The following GCFC2 variants were observed in gnomAD, a reference collection of about 807,000 sequenced individuals.
GCFC2 encodes GC-rich sequence DNA-binding factor 2.
In GCFC2, 102 loss-of-function variants were observed where a neutral mutation model predicts 99.4. That is an observed-to-expected ratio of 1.03 (90% CI 0.87 to 1.21). The LOEUF (loss-of-function observed/expected upper bound fraction) is 1.21. Ranked by LOEUF, GCFC2 falls within the 50% of genes most tolerant of loss-of-function variation. The pLI, the probability that GCFC2 is intolerant of heterozygous loss-of-function variation, is 0.00. For missense variants in GCFC2, 973 were observed against 920.9 expected (o/e 1.06, Z -0.73); for synonymous variants, 338 against 316.8 (o/e 1.07, Z -0.71).
intron 6 of GCFC2, among the ~76,000 whole-genome samples, chr2:75,693,149 A>C (rs921903032): frequency 6.6e-6 from 1 of 152,194 alleles, no homozygotes; most frequent in African/African-American, 2.4e-5. Context: ...TAAACAAAAA[A>C]TAATGTGGGC....
chr2:75,673,406 C>G (rs773288737), intron 13 of GCFC2, 38 bp downstream of exon 13: 1 of 835,720 alleles, frequency 1.2e-6, no homozygotes, highest in Admixed American at 1.8e-5. Flanking sequence ...ATTCTATGAT[C>G]AGCTATTTCC....
chr2:75,706,558 G>C lies in GCFC2; in HGVS notation c.359C>G (p.Ser120Cys), dbSNP rs1267397886. The change falls in exon 2 of 17, where the codon TCT becomes TGT. Residue 120 changes from serine to cysteine, a missense_variant. Coordinates refer to ENST00000321027, the MANE Select transcript of GCFC2 (RefSeq NM_003203.5). ...AAGTTCTTTTTCTCCAAGAGAGCTAGAACTGTCAGAAGACAAACCCTGATC... is the reference window on the plus strand; with the variant it reads ...AAGTTCTTTTTCTCCAAGAGAGCTACAACTGTCAGAAGACAAACCCTGATC... ...KDDQGLSSDS[S>C]SSLGEKELSS... is the part of the protein sequence containing the mutation. 30 of 1,604,658 alleles carry C rather than the reference G, an allele frequency of 1.9e-5. No individual in the cohort carries two copies. Among genetic ancestry groups the C allele is most frequent in the Non-Finnish European group, 2.6e-5 (30 of 1,171,822 alleles).
rs528200118 is a variant in GCFC2, at chr2:75,690,184, A to G, written c.1227-103T>C. 1.3e-5 allele frequency: 9 copies of G among 685,100 alleles called. No individual in the cohort carries two copies. In the Admixed American group the frequency reaches 1.8e-4, roughly 14 times the overall value. The allele number at this position is 685,100 out of a possible 1,614,324, so 42.4% of individuals were successfully genotyped here. On this transcript the variant is annotated intron_variant, in intron 8 of 16. Coordinates refer to ENST00000321027, the MANE Select transcript of GCFC2 (RefSeq NM_003203.5). ...CCTCTTGCTGAAAATAAGTAATTTT[A>G]TCATTTATTTTAAATGGCCAGAAAT...
intron 11 of GCFC2, 115 bp from the exon 12 acceptor site, chr2:75,680,429 C>A: frequency 1.4e-6 from 1 of 737,098 alleles, no homozygotes; most frequent in Non-Finnish European, 2.2e-6. Flanking sequence ...AGTTTAAGTT[C>A]CATGGCCAAT....
rs572228384 is a variant in GCFC2 at position 75,686,651 on chromosome 2, G to A, written c.1690+1176C>T. 5.9e-5 allele frequency among the ~76,000 whole-genome samples: 9 copies of A among 152,278 alleles called. No individual in the cohort carries two copies. The South Asian group carries it at 1.7e-3, about 28-fold the overall frequency. ...CCTAGCTAATTGGGAGGCTGAGGCA[G>A]TAGGATCACTTGACCCCAGGAATTC... On this transcript the variant is annotated intron_variant, in intron 11 of 16. Coordinates refer to ENST00000321027, the MANE Select transcript of GCFC2 (RefSeq NM_003203.5).
At chr2:75,673,324 AG>A in intron 13 of GCFC2, 119 bp downstream of exon 13, 1 of 648,534 alleles carries the variant, frequency 1.5e-6, no homozygotes, top group Non-Finnish European at 2.8e-6. Flanking sequence ...AAAAAAAAAA[AG>A]AAACACAAAA....
chr2:75,678,949 C>T (rs1413585519), intron 12 of GCFC2, among the ~76,000 whole-genome samples: 2 of 152,184 alleles, frequency 1.3e-5, no homozygotes, highest in East Asian at 3.9e-4. Context: ...CCTGCCTCAG[C>T]CTCCCAAAGC....
At chr2:75,673,422 T>A in intron 13 of GCFC2, 22 bp downstream of exon 13, 1 of 1,010,288 alleles carries the variant, frequency 9.9e-7, no homozygotes, top group South Asian at 1.3e-5. Flanking sequence ...TTTCCAACAA[T>A]CTAGAAATTA....
intron 14 of GCFC2, 177 bp from the exon 15 acceptor site, chr2:75,670,461 G>A: frequency 2.1e-6 from 1 of 470,328 alleles, no homozygotes; most frequent in Non-Finnish European, 3.8e-6. Context: ...CAAACTCCAT[G>A]TATTTGCTCA....
chr2:75,702,643 T>A (rs918442319), intron 2 of GCFC2, among the ~76,000 whole-genome samples: 1 of 152,122 alleles, frequency 6.6e-6, no homozygotes, highest in African/African-American at 2.4e-5. Context: ...TCTAGAAGTA[T>A]CAGAAAATAT....
intron 4 of GCFC2, chr2:75,697,831 G>C (rs1680400404): frequency 6.5e-6 from 1 of 152,724 alleles, no homozygotes. Context: ...GCAACAAAGA[G>C]AGATGTGGCC....
chr2:75,690,817 T>C lies in GCFC2; in HGVS notation c.1145-98A>G, dbSNP rs1680034298. On this transcript the variant is annotated intron_variant, in intron 7 of 16. Coordinates refer to ENST00000321027, the MANE Select transcript of GCFC2 (RefSeq NM_003203.5). ...GTAATATCATGGATGTATAAACATA[T>C]GCATATGTAAATACATAAATATGCT... is the stretch of plus-strand genomic sequence containing the variant. 6.0e-6 allele frequency: 4 copies of C among 664,048 alleles called. No individual in the cohort carries two copies. In the South Asian group the frequency reaches 7.2e-5, roughly 12 times the overall value. The allele number at this position is 664,048 out of a possible 1,614,324, so 41.1% of individuals were successfully genotyped here.
rs1678823447 is a variant in GCFC2 at position 75,666,036 on chromosome 2, T to C, written c.2121A>G (p.Pro707=). The C allele has an allele frequency of 6.2e-7, 1 of 1,606,224 alleles. No individual in the cohort carries two copies. Among genetic ancestry groups the C allele is most frequent in the African/African-American group, 1.3e-5 (1 of 74,636 alleles). The change falls in exon 16 of 17, where the codon CCA becomes CCG. Residue 707 remains proline, a synonymous_variant. Transcript: ENST00000321027. ...TGGCAGAATTTTCAAACCATTTTTC[T>C]GGTAGACATGCTGCTACCTGTTAAT... ...KKCNQVAACL[P]EKWFENSAMR... is the part of the protein sequence containing the mutation.
chr2:75,692,621 T>C (rs1680136553), intron 6 of GCFC2, among the ~76,000 whole-genome samples: 1 of 149,948 alleles, frequency 6.7e-6, no homozygotes, highest in African/African-American at 2.5e-5. Flanking sequence ...CACTCCAGCC[T>C]GGGCAACAGA....
At position 75,710,585 on chromosome 2, in the gene GCFC2, G is replaced by T; in HGVS notation, c.265+6C>A. ...CCTCCCCGCTTCCCCGCGTCTCCCT[G>T]GACACCTGAGCCTTCGTCCGCGCGG... On this transcript the variant is annotated splice_donor_region_variant and intron_variant, in intron 1 of 16. Coordinates refer to ENST00000321027, the MANE Select transcript of GCFC2 (RefSeq NM_003203.5). 1 of 1,507,918 alleles carries T rather than the reference G, an allele frequency of 6.6e-7. No homozygotes were observed. Among genetic ancestry groups the T allele is most frequent in the Admixed American group, 2.1e-5 (1 of 48,660 alleles). The allele number at this position is 1,507,918 out of a possible 1,614,324, so 93.4% of individuals were successfully genotyped here.
rs1214426735 is a variant in GCFC2, at chr2:75,663,822, T to C, written c.*844A>G. The C allele has an allele frequency of 6.6e-6, 1 of 151,950 alleles. No homozygotes were observed. Among genetic ancestry groups the C allele is most frequent in the African/African-American group, 2.4e-5 (1 of 41,290 alleles). 9.4% of individuals were successfully genotyped at this position (151,950 alleles called of 1,614,324 possible). ...TTGCAGTGAGCCGAGATTGTGCCACTACTCTCCAGCCTGGGTGACAGAGCC... is the reference window on the plus strand; with the variant it reads ...TTGCAGTGAGCCGAGATTGTGCCACCACTCTCCAGCCTGGGTGACAGAGCC... On this transcript the variant is annotated 3_prime_UTR_variant, in exon 17 of 17. Coordinates refer to ENST00000321027, the MANE Select transcript of GCFC2 (RefSeq NM_003203.5).
intron 1 of GCFC2, among the ~76,000 whole-genome samples, chr2:75,709,012 T>C (rs1234178949): frequency 6.6e-6 from 1 of 152,226 alleles, no homozygotes; most frequent in African/African-American, 2.4e-5. Flanking sequence ...AATTCATCTG[T>C]CTTCTATTAA....
chr2:75,671,659 C>T (rs1191752015), intron 14 of GCFC2, among the ~76,000 whole-genome samples: 1 of 152,148 alleles, frequency 6.6e-6, no homozygotes, highest in Non-Finnish European at 1.5e-5. Flanking sequence ...TAACACTTTT[C>T]AAGGACGTTT....
chr2:75,694,452 T>C, intron 5 of GCFC2, 25 bp from the exon 6 acceptor site: 1 of 1,000,844 alleles, frequency 1.0e-6, no homozygotes. Flanking sequence ...TAAAAATTAG[T>C]TTATTTTTCA....
Sources: allele counts gnomAD v4.1 joint callset (sites outside exome capture counted in the v4.1 genomes callset), GRCh38; gene constraint gnomAD v4.1.1; transcripts MANE v1.5; gene names NCBI Gene and HGNC (gene_info 2026-07-23, HGNC 2026-07-21).